EPHA4: variants seen among roughly 807,000 people sequenced by gnomAD.
EPHA4 encodes ephrin type-A receptor 4.
A neutral mutation model predicts 108.3 loss-of-function variants in EPHA4; 19 were observed. That is an observed-to-expected ratio of 0.18 (90% CI 0.12 to 0.26). The LOEUF (loss-of-function observed/expected upper bound fraction) is 0.26. Ranked by LOEUF, EPHA4 falls within the 10% of genes least tolerant of loss-of-function variation. EPHA4 has a pLI of 1.00. For synonymous variants in EPHA4, 449 were observed against 455.5 expected, an observed-to-expected ratio of 0.99 and a Z score of 0.18; for missense variants, 917 against 1,254.0, an observed-to-expected ratio of 0.73 and a Z score of 4.06.
chr2:221,570,293 G>A (rs1431910394), intron 1 of EPHA4, among the ~76,000 whole-genome samples: 2 of 148,562 alleles, frequency 1.3e-5, no homozygotes, highest in Admixed American at 6.7e-5. Context: ...GAGCCTTTTT[G>A]TCTTGGGCTC....
chr2:221,492,240 C>G (rs1442876096), intron 4 of EPHA4, among the ~76,000 whole-genome samples: 1 of 152,092 alleles, frequency 6.6e-6, no homozygotes. Flanking sequence ...ATTATTCAAG[C>G]CTTCCACTTG....
rs375452175 is a variant in EPHA4, at chr2:221,457,912, C to T, written c.1397G>A (p.Arg466Gln). Residue 466 changes from arginine (R) to glutamine (Q), a missense_variant, in exon 6 of 18, where the codon CGG (arginine) becomes CAG (glutamine). Physicochemically the swap from Arg to Gln is conservative, Grantham distance 43. Transcript: ENST00000281821. The stretch of plus-strand genomic sequence containing the variant: ...ATATTCCAGGATTACCCCATTGGGC[C>T]GATCTGGTTCCAGCCAAGCCAGTGC... ...SVALAWLEPD[R>Q]PNGVILEYEV... is the part of the protein sequence containing the mutation. 92 of 1,613,664 alleles carry T rather than the reference C, an allele frequency of 5.7e-5. No homozygotes were observed. Among genetic ancestry groups the T allele is most frequent in the South Asian group, 6.6e-5 (6 of 91,074 alleles).
chr2:221,529,288 G>A (rs1006961514), intron 3 of EPHA4, among the ~76,000 whole-genome samples: 1 of 152,132 alleles, frequency 6.6e-6, no homozygotes, highest in Non-Finnish European at 1.5e-5. Context: ...GGCTGATTTT[G>A]CCCCACCTTG....
rs986969482 is a variant in EPHA4 at position 221,418,401 on chromosome 2, C to A, written c.*2971G>T. The A allele has an allele frequency of 6.6e-6, 1 of 152,572 alleles. No individual in the cohort carries two copies. The highest frequency in any genetic ancestry group is 2.4e-5 in the African/African-American group (1 of 41,420). The allele number at this position is 152,572 out of a possible 1,614,324, so 9.5% of individuals were successfully genotyped here. Reference sequence around the variant, plus strand: ...ACGCACTCTTCAGTGTGTATCAATGCTTGATGTTGTTTGGAGAATGTTAAA... The same window carrying A: ...ACGCACTCTTCAGTGTGTATCAATGATTGATGTTGTTTGGAGAATGTTAAA... On this transcript the variant is annotated 3_prime_UTR_variant, in exon 18 of 18. Transcript: ENST00000281821.
chr2:221,492,115 T>C (rs1489431962), intron 4 of EPHA4, among the ~76,000 whole-genome samples: 1 of 152,198 alleles, frequency 6.6e-6, no homozygotes, highest in Non-Finnish European at 1.5e-5. Flanking sequence ...ATGACTTCCA[T>C]GCATAGTGTC....
chr2:221,486,741 T>TAATAAG (rs1401202034), intron 4 of EPHA4, among the ~76,000 whole-genome samples: 32 of 142,790 alleles, frequency 2.2e-4, no homozygotes, highest in African/African-American at 8.0e-4. Context: ...CTCAAAATAA[T>TAATAAG]AATAATAATA....
intron 5 of EPHA4, among the ~76,000 whole-genome samples, chr2:221,476,142 C>G (rs1391099575): frequency 6.6e-6 from 1 of 152,122 alleles, no homozygotes; most frequent in Admixed American, 6.6e-5. Flanking sequence ...ATCGCTGGAA[C>G]CTGGGAGGCA....
intron 5 of EPHA4, among the ~76,000 whole-genome samples, chr2:221,462,750 C>A (rs1285803131): frequency 6.6e-6 from 1 of 152,144 alleles, no homozygotes; most frequent in Non-Finnish European, 1.5e-5. Context: ...CTGTGTGATG[C>A]TTCTGAACAT....
chr2:221,464,410 G>A (rs918563177), intron 5 of EPHA4, among the ~76,000 whole-genome samples: 9 of 152,118 alleles, frequency 5.9e-5, no homozygotes, highest in Non-Finnish European at 1.0e-4. Context: ...ATGCTTCAGA[G>A]CACTAATGAT....
Position 221,426,602 on chromosome 2 carries a change from A to C in EPHA4, c.2708T>G (p.Leu903Trp). The C allele has an allele frequency of 6.2e-7, 1 of 1,613,684 alleles. No individual in the cohort carries two copies. Among genetic ancestry groups the C allele is most frequent in the Non-Finnish European group, 8.5e-7 (1 of 1,179,934 alleles). The change falls in exon 16 of 18, where the codon TTG becomes TGG. Residue 903 changes from leucine (L) to tryptophan (W), a missense_variant. This residue lies in a region of EPHA4 where 133 missense variants were observed against 132.8 expected (regional missense o/e 1.00). Transcript: ENST00000281821. The part of the protein sequence containing the change: ...TESSRPNTAL[L>W]DPSSPEFSAV... Reference sequence around the variant, plus strand: ...AGAGAATTCAGGGGAGCTTGGATCCAACAAGGCAGTGTTAGGTCTAGAAAG... The same window carrying C: ...AGAGAATTCAGGGGAGCTTGGATCCCACAAGGCAGTGTTAGGTCTAGAAAG...
At chr2:221,561,790 T>C (rs1168690940) in intron 3 of EPHA4, among the ~76,000 whole-genome samples, 10 of 152,216 alleles carry the variant, frequency 6.6e-5, no homozygotes, top group South Asian at 2.1e-4. Context: ...TCTGTGACAA[T>C]TGAAAATCAA....
intron 3 of EPHA4, among the ~76,000 whole-genome samples, chr2:221,557,671 G>C (rs988111837): frequency 6.8e-6 from 1 of 147,506 alleles, no homozygotes. Flanking sequence ...CAGATGTAAA[G>C]AAGATTCATA....
chr2:221,541,523 T>C (rs928778048), intron 3 of EPHA4, among the ~76,000 whole-genome samples: 1 of 152,158 alleles, frequency 6.6e-6, no homozygotes, highest in African/African-American at 2.4e-5. Context: ...ACTGGAATGT[T>C]GAGCCGGGGA....
rs1691686826 is a variant in EPHA4, at chr2:221,477,342, G to C, written c.1318+5010C>G. On this transcript the variant is annotated intron_variant, in intron 5 of 17. Coordinates refer to ENST00000281821, the MANE Select transcript of EPHA4 (RefSeq NM_004438.5). ...CACATGGCTATGGAACCCTGAAATG[G>C]TGGGCACTGCTATGAAGTCTGTTCT... Among the ~76,000 whole-genome samples, 3 of 152,318 alleles carry C rather than the reference G, an allele frequency of 2.0e-5. No individual in the cohort carries two copies. The South Asian group carries it at 6.2e-4, about 32-fold the overall frequency.
At chr2:221,489,332 T>C (rs13010521) in intron 4 of EPHA4, among the ~76,000 whole-genome samples, 12,847 of 152,288 alleles carry the variant, frequency 0.084, 1,410 homozygotes, top group African/African-American at 0.26. Flanking sequence ...CATATAAACC[T>C]AAAAGTTCTA....
chr2:221,562,248 A>G (rs1423153810), intron 3 of EPHA4, among the ~76,000 whole-genome samples: 2 of 152,014 alleles, frequency 1.3e-5, no homozygotes, highest in Non-Finnish European at 2.9e-5. Flanking sequence ...TCAACAGAAA[A>G]GATAGCCACT....
chr2:221,534,706 A>T (rs575935986), intron 3 of EPHA4, among the ~76,000 whole-genome samples: 54 of 152,330 alleles, frequency 3.5e-4, no homozygotes, highest in African/African-American at 1.2e-3. Flanking sequence ...TAGGGCTGTC[A>T]CATTTAGCTG....
At chr2:221,510,933 T>C (rs1341057935) in intron 3 of EPHA4, among the ~76,000 whole-genome samples, 1 of 152,164 alleles carries the variant, frequency 6.6e-6, no homozygotes, top group African/African-American at 2.4e-5. Flanking sequence ...AAACTCTACT[T>C]AAAAACAGCT....
chr2:221,465,215 A>G (rs2106124814), intron 5 of EPHA4, among the ~76,000 whole-genome samples: 1 of 152,314 alleles, frequency 6.6e-6, no homozygotes, highest in South Asian at 2.1e-4. Flanking sequence ...GGAACACTAT[A>G]AATACTTGAA....
Sources: gnomAD v4.1 joint callset for allele counts (sites outside exome capture counted in the v4.1 genomes callset) on GRCh38, gnomAD v4.1.1 for gene constraint, gnomAD v4.1.1 regional missense constraint, MANE v1.5 for transcripts, NCBI Gene and HGNC (gene_info 2026-07-23, HGNC 2026-07-21) for gene names.